Variants in SOX5 observed in about 807,000 individuals in gnomAD.
The protein encoded by SOX5 is SRY-box transcription factor 5, also known as transcription factor SOX-5.
Under a neutral mutation model 92.0 loss-of-function variants are expected in SOX5, and 9 were observed. The ratio of observed to expected loss-of-function variants is 0.10; its 90% CI spans 0.06 to 0.17. The LOEUF (loss-of-function observed/expected upper bound fraction) is 0.17. Ranked by LOEUF, SOX5 falls within the 10% of genes least tolerant of loss-of-function variation. The probability of loss-of-function intolerance (pLI) is 1.00; values close to 1 mark genes in which losing one functional copy is unlikely to be tolerated. For synonymous variants in SOX5, 344 were observed against 336.3 expected, an observed-to-expected ratio of 1.02 and a Z score of -0.25; for missense variants, 642 against 944.5, an observed-to-expected ratio of 0.68 and a Z score of 4.20.
intron 1 of SOX5, among the ~76,000 whole-genome samples, chr12:24,479,671 T>C (rs1183767238): frequency 6.6e-6 from 1 of 152,008 alleles, no homozygotes; most frequent in Non-Finnish European, 1.5e-5. Context: ...ATTCATTTTT[T>C]TTTTGGTGTG....
At chr12:24,101,408 C>A (rs1946077418) in intron 4 of SOX5, among the ~76,000 whole-genome samples, 2 of 152,116 alleles carry the variant, frequency 1.3e-5, no homozygotes, top group African/African-American at 4.8e-5. Flanking sequence ...AAGCTCTATC[C>A]TGCCTCCTCT....
chr12:24,095,683 C>T (rs572353541), intron 4 of SOX5, among the ~76,000 whole-genome samples: 7 of 152,204 alleles, frequency 4.6e-5, no homozygotes, highest in Non-Finnish European at 1.0e-4. Context: ...TCCCCAGAAT[C>T]CCCGCGTGTC....
intron 8 of SOX5, among the ~76,000 whole-genome samples, chr12:23,606,071 A>C (rs1289336812): frequency 6.6e-6 from 1 of 152,028 alleles, no homozygotes; most frequent in Non-Finnish European, 1.5e-5. Flanking sequence ...ATTTAAAGAA[A>C]AATGATCAGA....
intron 4 of SOX5, among the ~76,000 whole-genome samples, chr12:24,116,323 C>A (rs920340791): frequency 2.0e-5 from 3 of 151,860 alleles, no homozygotes; most frequent in African/African-American, 7.3e-5. Context: ...CAAAGGAAAT[C>A]AATTATACTG....
rs202189002 is a variant in SOX5 at position 23,752,214 on chromosome 12, C to T, written c.568+3424G>A. ...AGTTTGTGGGCCTGAATTAATGCAC[C>T]GTGACCAGGGTCAGAAGAATGCATC... On this transcript the variant is annotated intron_variant, in intron 4 of 14. Coordinates refer to ENST00000451604, the MANE Select transcript of SOX5 (RefSeq NM_006940.6). Among the ~76,000 whole-genome samples the T allele has an allele frequency of 5.3e-5, 8 of 151,120 alleles. No individual in the cohort carries two copies. In the East Asian group the frequency reaches 9.8e-4, roughly 19 times the overall value.
At chr12:24,552,929 G>A (rs1386244874) in intron 1 of SOX5, among the ~76,000 whole-genome samples, 3 of 145,412 alleles carry the variant, frequency 2.1e-5, no homozygotes, top group Non-Finnish European at 4.5e-5. Flanking sequence ...CTACTCAGGA[G>A]GCCGAGGTAG....
chr12:24,362,212 A>G (rs951170486), intron 2 of SOX5, among the ~76,000 whole-genome samples: 1 of 152,226 alleles, frequency 6.6e-6, no homozygotes, highest in African/African-American at 2.4e-5. Flanking sequence ...AGAGTATGAC[A>G]ATTAAAAGTA....
chr12:23,736,400 T>C (rs1377017807), intron 5 of SOX5, among the ~76,000 whole-genome samples: 2 of 151,994 alleles, frequency 1.3e-5, no homozygotes, highest in Non-Finnish European at 2.9e-5. Flanking sequence ...AAGTGGAGCT[T>C]GCAGTGAGCC....
chr12:24,210,106 AAT>A (rs1958446532), intron 4 of SOX5, among the ~76,000 whole-genome samples: 1 of 151,864 alleles, frequency 6.6e-6, no homozygotes, highest in African/African-American at 2.4e-5. Context: ...ATTTTCTGAA[AAT>A]ATATATGGAT....
intron 3 of SOX5, among the ~76,000 whole-genome samples, chr12:23,830,502 G>A (rs139413189): frequency 6.6e-6 from 1 of 152,252 alleles, no homozygotes; most frequent in Non-Finnish European, 1.5e-5. Context: ...CAGTGGAACA[G>A]CACTTACAAA....
intron 7 of SOX5, among the ~76,000 whole-genome samples, chr12:23,662,836 A>C (rs2083249814): frequency 6.6e-6 from 1 of 152,234 alleles, no homozygotes; most frequent in African/African-American, 2.4e-5. Context: ...GATTGATGAA[A>C]AGTATCTGTA....
chr12:24,018,684 T>C lies in SOX5; in HGVS notation c.-1-122660A>G, dbSNP rs941836297. ...TGGTGGCATGTGCCAATAATCCCAG[T>C]TACTCAGGAGACTGAGGCAGGAGAA... On this transcript the variant is annotated intron_variant, in intron 4 of 4. Coordinates refer to the SOX5 transcript ENST00000446891. 2.6e-5 allele frequency among the ~76,000 whole-genome samples: 4 copies of C among 151,868 alleles called. No individual in the cohort carries two copies. In the South Asian group the frequency reaches 8.3e-4, roughly 32 times the overall value.
chr12:23,723,581 T>C (rs12320349), intron 6 of SOX5, among the ~76,000 whole-genome samples: 19,577 of 131,740 alleles, frequency 0.15, 1,601 homozygotes, highest in African/African-American at 0.22. Context: ...TATATATATA[T>C]ACACACACAC....
chr12:24,478,085 C>T (rs1476639654), intron 1 of SOX5, among the ~76,000 whole-genome samples: 3 of 152,034 alleles, frequency 2.0e-5, no homozygotes, highest in East Asian at 1.9e-4. Flanking sequence ...TAAGGAATTC[C>T]GAATCCAGAA....
intron 1 of SOX5, among the ~76,000 whole-genome samples, chr12:23,896,811 T>A (rs997847401): frequency 6.6e-6 from 1 of 151,822 alleles, no homozygotes; most frequent in Non-Finnish European, 1.5e-5. Flanking sequence ...GACTTATTTA[T>A]CCTTAGGATA....
At chr12:23,677,880 C>A (rs140241447) in intron 6 of SOX5, among the ~76,000 whole-genome samples, 1,636 of 152,232 alleles carry the variant, frequency 0.011, 18 homozygotes, top group Non-Finnish European at 0.015. Flanking sequence ...TTCAATACAG[C>A]TCCCCCAATT....
chr12:23,798,158 A>T (rs1322494049), intron 3 of SOX5, among the ~76,000 whole-genome samples: 1 of 151,884 alleles, frequency 6.6e-6, no homozygotes, highest in Non-Finnish European at 1.5e-5. Context: ...CCTATTCATT[A>T]TATTTTTAAT....
intron 1 of SOX5, among the ~76,000 whole-genome samples, chr12:24,544,078 C>T (rs1952387595): frequency 6.6e-6 from 1 of 152,064 alleles, no homozygotes; most frequent in South Asian, 2.1e-4. Flanking sequence ...CCCCTTTCTT[C>T]CAAGAAATTT....
chr12:23,923,334 C>T (rs145713538), intron 1 of SOX5, among the ~76,000 whole-genome samples: 4 of 100,766 alleles, frequency 4.0e-5, no homozygotes, highest in African/African-American at 9.2e-5. Flanking sequence ...TGAATGAATA[C>T]GTAAAAGCAT....
Sources: gnomAD v4.1 joint callset for allele counts (sites outside exome capture counted in the v4.1 genomes callset) on GRCh38, gnomAD v4.1.1 for gene constraint, MANE v1.5 for transcripts, NCBI Gene and HGNC (gene_info 2026-07-23, HGNC 2026-07-21) for gene names.